Variants in CCDC180 observed in about 807,000 individuals in gnomAD.
The protein encoded by CCDC180 is coiled-coil domain-containing protein 180.
In CCDC180, 154 loss-of-function variants were observed where a neutral mutation model predicts 209.2. That is an observed-to-expected ratio of 0.74 (90% CI 0.65 to 0.84). The LOEUF (loss-of-function observed/expected upper bound fraction) is 0.84. Among genes scored for constraint, CCDC180 ranks in the 40% least tolerant of loss-of-function variants. The pLI is 0.00. For synonymous variants in CCDC180, 778 were observed against 749.1 expected (o/e 1.04, Z -0.63); for missense variants, 1,874 against 1,997.3 (o/e 0.94, Z 1.18).
At position 97,315,502 on chromosome 9, in the gene CCDC180, C is replaced by T. The variant is rs114260382; in HGVS notation, c.795+556C>T. On this transcript the variant is annotated intron_variant, in intron 8 of 36. Coordinates refer to ENST00000529487, the MANE Select transcript of CCDC180 (RefSeq NM_020893.6). Reference sequence around the variant, plus strand: ...TAGCACCCCTCCCCACAGCTGCTTTCCTTGGGGTGGAAAACACAAAATTCA... The same window carrying T: ...TAGCACCCCTCCCCACAGCTGCTTTTCTTGGGGTGGAAAACACAAAATTCA... 7.5e-3 allele frequency among the ~76,000 whole-genome samples: 1,149 copies of T among 152,288 alleles called. 25 individuals are homozygous for T. Among genetic ancestry groups the T allele is most frequent in the African/African-American group, 0.026 (1,094 of 41,544 alleles).
At position 97,330,646 on chromosome 9, in the gene CCDC180, A is replaced by G; in HGVS notation, c.2153A>G (p.Glu718Gly). The G allele has an allele frequency of 6.2e-7, 1 of 1,612,634 alleles. No individual in the cohort carries two copies. Among genetic ancestry groups the G allele is most frequent in the Non-Finnish European group, 8.5e-7 (1 of 1,179,606 alleles). The change falls in exon 18 of 37, where the codon GAA becomes GGA. Residue 718 changes from glutamate to glycine, a missense_variant. Transcript: ENST00000529487. Reference sequence around the variant, plus strand: ...GAGGAGAATGTGAAGGGTCAAGGAGAAAAGAAGGAGGAGTCAGAGGAGGAA... The same window carrying G: ...GAGGAGAATGTGAAGGGTCAAGGAGGAAAGAAGGAGGAGTCAGAGGAGGAA... ...LNEENVKGQG[E>G]KKEESEEEDE...
Position 97,370,024 on chromosome 9 carries a change from C to T in CCDC180, c.4292C>T (p.Ser1431Phe), listed in dbSNP as rs747878117. ...CACCACTGGAAAAAGTTTTTCACCT[C>T]TGTGAAGGAGATCCGAGGACAGTTC... Reference protein sequence around the residue: ...KEHHWKKFFTSVKEIRGQFEE... With the variant: ...KEHHWKKFFTFVKEIRGQFEE... The change falls in exon 32 of 37, where the codon TCT becomes TTT. Residue 1431 changes from serine (S) to phenylalanine (F), a missense_variant. Transcript: ENST00000529487. The T allele has an allele frequency of 3.1e-6, 5 of 1,614,176 alleles. No individual in the cohort carries two copies. Among genetic ancestry groups the T allele is most frequent in the Non-Finnish European group, 4.2e-6 (5 of 1,180,034 alleles).
chr9:97,368,723 A>C (rs1826993785), intron 31 of CCDC180, among the ~76,000 whole-genome samples: 1 of 152,212 alleles, frequency 6.6e-6, no homozygotes, highest in Non-Finnish European at 1.5e-5. Context: ...TGGTGTTCAG[A>C]AGCTTGCTTG....
At position 97,330,392 on chromosome 9, in the gene CCDC180, G is replaced by T; in HGVS notation, c.1899G>T (p.Met633Ile). 6.2e-7 allele frequency: 1 copy of T among 1,614,112 alleles called. No individual in the cohort carries two copies. Among genetic ancestry groups the T allele is most frequent in the Non-Finnish European group, 8.5e-7 (1 of 1,180,034 alleles). The change falls in exon 18 of 37, where the codon ATG becomes ATT. Residue 633 changes from methionine (M) to isoleucine (I), a missense_variant. Coordinates refer to ENST00000529487, the MANE Select transcript of CCDC180 (RefSeq NM_020893.6). ...LRKKQGSKED[M>I]TRSEESISSG... ...AGAAGCAAGGGTCTAAAGAGGACAT[G>T]ACCAGAAGTGAGGAAAGCATAAGTA... is the stretch of plus-strand genomic sequence containing the variant.
At position 97,315,004 on chromosome 9, in the gene CCDC180, C is replaced by G. The variant is rs963702410; in HGVS notation, c.795+58C>G. ...TGGGAGAAGGGGCAGGACCAGGAAC[C>G]CAGGGCACCCCGAGCCTGGTGTCTG... On this transcript the variant is annotated intron_variant, in intron 8 of 36. Coordinates refer to ENST00000529487, the MANE Select transcript of CCDC180 (RefSeq NM_020893.6). 6 of 1,310,680 alleles carry G rather than the reference C, an allele frequency of 4.6e-6. No homozygotes were observed. The South Asian group carries it at 7.2e-5, about 16-fold the overall frequency. 81.2% of individuals were successfully genotyped at this position (1,310,680 alleles called of 1,614,324 possible). A position where few individuals can be genotyped will look rare whatever the true frequency, so the allele number is the denominator to read the frequency against.
intron 21 of CCDC180, 45 bp downstream of exon 21, chr9:97,349,336 A>T (rs1365763450): frequency 6.6e-7 from 1 of 1,504,610 alleles, no homozygotes; most frequent in Admixed American, 2.1e-5. Context: ...TGGCTCTGGA[A>T]TCCCAGTTCG....
intron 11 of CCDC180, among the ~76,000 whole-genome samples, chr9:97,322,485 T>G (rs1382049878): frequency 1.3e-5 from 2 of 152,234 alleles, no homozygotes; most frequent in Non-Finnish European, 2.9e-5. Context: ...TTTTCAGGGA[T>G]GAACCACAGA....
chr9:97,376,942 C>G lies in CCDC180; in HGVS notation c.*48C>G. 2 of 1,575,954 alleles carry G rather than the reference C, an allele frequency of 1.3e-6. No homozygotes were observed. The highest frequency in any genetic ancestry group is 1.7e-6 in the Non-Finnish European group (2 of 1,161,830). On this transcript the variant is annotated 3_prime_UTR_variant, in exon 37 of 37. Transcript: ENST00000529487. Reference sequence around the variant, plus strand: ...ACACTTTCTTATACAGACTCCTTCCCTGTCCATCTACCTGCCTACCTACTT... The same window carrying G: ...ACACTTTCTTATACAGACTCCTTCCGTGTCCATCTACCTGCCTACCTACTT...
At chr9:97,332,244 C>T (rs550470717) in intron 18 of CCDC180, among the ~76,000 whole-genome samples, 1 of 152,154 alleles carries the variant, frequency 6.6e-6, no homozygotes, top group Admixed American at 6.5e-5. Context: ...TGTTTTTGTG[C>T]TTGTATTATG....
At position 97,366,696 on chromosome 9, in the gene CCDC180, C is replaced by T; in HGVS notation, c.4185C>T (p.Leu1395=). ...SQANKYHNSC[L]IELRIQIRRF... is the part of the protein sequence containing the mutation. ...CAAATAAGTACCACAACTCCTGCCT[C>T]ATAGGTGAGTATAGGCAGCAGGAAG... The change falls in exon 31 of 37, where the codon CTC becomes CTT. Residue 1395 remains leucine (L), a synonymous_variant. Transcript: ENST00000529487. This position sits in a 1 kb window ranked among gnomAD's most constrained non-coding sequence, Gnocchi z 4.3. The T allele has an allele frequency of 1.2e-6, 2 of 1,614,074 alleles. No individual in the cohort carries two copies. The highest frequency in any genetic ancestry group is 1.7e-6 in the Non-Finnish European group (2 of 1,179,982).
chr9:97,307,644 C>T (rs1832837538), upstream of CCDC180: 7 of 1,260,112 alleles, frequency 5.6e-6, no homozygotes, highest in Non-Finnish European at 8.1e-6. Flanking sequence ...GAGTTCCAGT[C>T]CCAACCGACA....
intron 19 of CCDC180, chr9:97,345,907 A>G (rs929325795): frequency 1.3e-5 from 2 of 152,842 alleles, no homozygotes; most frequent in African/African-American, 4.8e-5. Flanking sequence ...CAATTCATCA[A>G]TTTTTAAATT....
intron 21 of CCDC180, 79 bp downstream of exon 21, chr9:97,349,370 C>G (rs527334898): frequency 1.7e-4 from 221 of 1,296,074 alleles, no homozygotes; most frequent in Admixed American, 3.9e-4. Flanking sequence ...AAGGAGCCCC[C>G]CTCCCTGTAG....
At position 97,376,920 on chromosome 9, in the gene CCDC180, C is replaced by T. The variant is rs1222298415; in HGVS notation, c.*26C>T. The T allele has an allele frequency of 6.3e-7, 1 of 1,599,932 alleles. No individual in the cohort carries two copies. The highest frequency in any genetic ancestry group is 8.5e-7 in the Non-Finnish European group (1 of 1,174,796). The stretch of plus-strand genomic sequence containing the variant: ...CCCTCCGCCCCACCATGAATAAACA[C>T]TTTCTTATACAGACTCCTTCCCTGT... On this transcript the variant is annotated 3_prime_UTR_variant, in exon 37 of 37. Transcript: ENST00000529487.
intron 19 of CCDC180, among the ~76,000 whole-genome samples, chr9:97,344,711 G>GA (rs1313589697): frequency 2.0e-5 from 3 of 151,968 alleles, no homozygotes; most frequent in Non-Finnish European, 4.4e-5. Context: ...TGACTAACCA[G>GA]AAAAAAAATT....
At chr9:97,341,586 T>A (rs1303782268) in intron 18 of CCDC180, among the ~76,000 whole-genome samples, 2 of 152,158 alleles carry the variant, frequency 1.3e-5, no homozygotes, top group Non-Finnish European at 2.9e-5. Flanking sequence ...GTATGAGGTG[T>A]CAGTCGGCCC....
At chr9:97,343,084 A>G (rs542311102) in intron 18 of CCDC180, among the ~76,000 whole-genome samples, 1 of 152,338 alleles carries the variant, frequency 6.6e-6, no homozygotes, top group East Asian at 1.9e-4. Flanking sequence ...CTCCAACTAA[A>G]GATGCCATGT....
chr9:97,355,271 C>T (rs1413285214), intron 24 of CCDC180, among the ~76,000 whole-genome samples: 1 of 152,202 alleles, frequency 6.6e-6, no homozygotes, highest in Non-Finnish European at 1.5e-5. Flanking sequence ...CCTCCAGCCT[C>T]AGTCCCACAA....
chr9:97,349,030 C>A, intron 20 of CCDC180, 81 bp from the exon 21 acceptor site: 1 of 1,300,234 alleles, frequency 7.7e-7, no homozygotes, highest in Non-Finnish European at 1.0e-6. Flanking sequence ...GAAGAGGCAG[C>A]AGGCGGGCCT....
Sources: allele counts gnomAD v4.1 joint callset (sites outside exome capture counted in the v4.1 genomes callset), GRCh38; gene constraint gnomAD v4.1.1; non-coding constraint Gnocchi (gnomAD v3.1); transcripts MANE v1.5; gene names NCBI Gene and HGNC (gene_info 2026-07-23, HGNC 2026-07-21).